PCDH9: variants seen among roughly 807,000 people sequenced by gnomAD.
PCDH9 encodes protocadherin-9.
A neutral mutation model predicts 70.6 loss-of-function variants in PCDH9; 24 were observed. The ratio of observed to expected loss-of-function variants is 0.34; its 90% CI spans 0.25 to 0.48. The LOEUF (loss-of-function observed/expected upper bound fraction) is 0.48. Among genes scored for constraint, PCDH9 ranks in the 20% least tolerant of loss-of-function variants. The pLI, the probability that PCDH9 is intolerant of heterozygous loss-of-function variation, is 0.99. For synonymous variants in PCDH9, 562 were observed against 558.5 expected (o/e 1.01, Z -0.09); for missense variants, 1,281 against 1,503.6 (o/e 0.85, Z 2.45).
chr13:66,315,014 G>C (rs1566235193), intron 4 of PCDH9, among the ~76,000 whole-genome samples: 1 of 152,158 alleles, frequency 6.6e-6, no homozygotes, highest in Non-Finnish European at 1.5e-5. Flanking sequence ...GGTGGCAGGT[G>C]GGAGTCCAGA....
chr13:67,111,629 T>C (rs895268711), intron 2 of PCDH9, among the ~76,000 whole-genome samples: 2 of 152,324 alleles, frequency 1.3e-5, no homozygotes, highest in Admixed American at 6.5e-5. Context: ...TTGACTACTT[T>C]TTTTGCCACT....
chr13:67,129,096 A>G (rs1215028229), intron 2 of PCDH9, among the ~76,000 whole-genome samples: 1 of 152,162 alleles, frequency 6.6e-6, no homozygotes, highest in African/African-American at 2.4e-5. Flanking sequence ...TTGTAACATT[A>G]CTACTTATCG....
intron 2 of PCDH9, among the ~76,000 whole-genome samples, chr13:67,085,087 G>A (rs2138195172): frequency 7.2e-6 from 1 of 139,728 alleles, no homozygotes; most frequent in Non-Finnish European, 1.5e-5. Context: ...ACAAGTCTTG[G>A]TAACATATAC....
intron 3 of PCDH9, among the ~76,000 whole-genome samples, chr13:66,807,438 T>A (rs1161873039): frequency 1.3e-5 from 2 of 152,126 alleles, no homozygotes; most frequent in Non-Finnish European, 1.5e-5. Flanking sequence ...AAAACAAATA[T>A]TATGGGGTGT....
intron 2 of PCDH9, among the ~76,000 whole-genome samples, chr13:67,154,595 A>AAATATATATAT (rs1555313195): frequency 1.1e-5 from 1 of 88,990 alleles, no homozygotes; most frequent in African/African-American, 4.5e-5. Context: ...AAAAAAAAAA[A>AAATATATATAT]ATATATATAT....
chr13:66,971,153 T>A (rs2083515801), intron 2 of PCDH9, among the ~76,000 whole-genome samples: 1 of 152,046 alleles, frequency 6.6e-6, no homozygotes, highest in Non-Finnish European at 1.5e-5. Flanking sequence ...GCAGTTGTCC[T>A]CTAACACTCT....
At chr13:66,357,331 T>G (rs1956400677) in intron 4 of PCDH9, among the ~76,000 whole-genome samples, 1 of 151,986 alleles carries the variant, frequency 6.6e-6, no homozygotes, top group Non-Finnish European at 1.5e-5. Flanking sequence ...AGTACATGGT[T>G]GAAATCAGAT....
intron 3 of PCDH9, among the ~76,000 whole-genome samples, chr13:66,793,875 C>T (rs2080198836): frequency 6.6e-6 from 1 of 152,112 alleles, no homozygotes; most frequent in African/African-American, 2.4e-5. Flanking sequence ...AACAAGTAAT[C>T]TGTTGAAACG....
chr13:66,415,393 G>C (rs1957444478), intron 4 of PCDH9, among the ~76,000 whole-genome samples: 1 of 152,134 alleles, frequency 6.6e-6, no homozygotes, highest in African/African-American at 2.4e-5. Flanking sequence ...ATTAACCACA[G>C]ACTCTGCATT....
At chr13:66,842,549 T>C (rs763972335) in intron 3 of PCDH9, among the ~76,000 whole-genome samples, 1 of 152,224 alleles carries the variant, frequency 6.6e-6, no homozygotes, top group Non-Finnish European at 1.5e-5. Context: ...AAATTCTGTG[T>C]TATTTTCCTC....
intron 4 of PCDH9, among the ~76,000 whole-genome samples, chr13:66,487,982 C>T (rs1958973227): frequency 3.3e-5 from 5 of 152,142 alleles, no homozygotes; most frequent in Non-Finnish European, 7.3e-5. Flanking sequence ...ACTGAGTCCT[C>T]AAATGGATGA....
intron 3 of PCDH9, among the ~76,000 whole-genome samples, chr13:66,666,389 A>C (rs2139028572): frequency 6.6e-6 from 1 of 151,090 alleles, no homozygotes; most frequent in Non-Finnish European, 1.5e-5. Flanking sequence ...TTTGCTCCTC[A>C]TGCCACAGAT....
chr13:66,884,307 A>G (rs2081971476), intron 3 of PCDH9, among the ~76,000 whole-genome samples: 1 of 152,172 alleles, frequency 6.6e-6, no homozygotes, highest in South Asian at 2.1e-4. Context: ...CCTCTATCAG[A>G]ATCCAATTGT....
intron 2 of PCDH9, among the ~76,000 whole-genome samples, chr13:67,131,033 A>C (rs2087100797): frequency 6.6e-6 from 1 of 152,192 alleles, no homozygotes; most frequent in African/African-American, 2.4e-5. Context: ...GATATTAATT[A>C]GAAGAGAAAT....
At chr13:66,641,465 G>A (rs1445788481) in intron 3 of PCDH9, among the ~76,000 whole-genome samples, 2 of 152,146 alleles carry the variant, frequency 1.3e-5, no homozygotes, top group Admixed American at 6.5e-5. Context: ...AATTACACTC[G>A]CAGTGTATGG....
chr13:67,200,819 G>C (rs944635151), intron 2 of PCDH9, among the ~76,000 whole-genome samples: 1 of 151,964 alleles, frequency 6.6e-6, no homozygotes, highest in Non-Finnish European at 1.5e-5. Flanking sequence ...TTAGCCTAAG[G>C]TTCCACATGT....
chr13:67,088,084 T>G (rs2086144349), intron 2 of PCDH9, among the ~76,000 whole-genome samples: 1 of 148,510 alleles, frequency 6.7e-6, no homozygotes, highest in African/African-American at 2.5e-5. Flanking sequence ...ATAGGGAATT[T>G]GGTCTATTTC....
At chr13:66,456,960 G>A (rs1030186823) in intron 4 of PCDH9, among the ~76,000 whole-genome samples, 15 of 152,018 alleles carry the variant, frequency 9.9e-5, no homozygotes, top group Non-Finnish European at 1.8e-4. Context: ...GTACCCGTTC[G>A]TAATTGTGTT....
intron 3 of PCDH9, among the ~76,000 whole-genome samples, chr13:66,876,133 G>A (rs1179128530): frequency 6.6e-6 from 1 of 152,138 alleles, no homozygotes; most frequent in African/African-American, 2.4e-5. Flanking sequence ...ATATTTAGTA[G>A]TTGATAAAGT....
Sources: allele counts gnomAD v4.1 joint callset (sites outside exome capture counted in the v4.1 genomes callset), GRCh38; gene constraint gnomAD v4.1.1; transcripts MANE v1.5; gene names NCBI Gene and HGNC (gene_info 2026-07-23, HGNC 2026-07-21).